CXCR2: variants seen among roughly 807,000 people sequenced by gnomAD.
The protein encoded by CXCR2 is C-X-C motif chemokine receptor 2, also known as C-X-C chemokine receptor type 2.
Under a neutral mutation model 3.7 loss-of-function variants are expected in CXCR2, and 2 were observed. That is an observed-to-expected ratio of 0.55 (90% CI 0.22 to 1.72). The LOEUF is 1.72. Among genes scored for constraint, CXCR2 ranks in the 40% most tolerant of loss-of-function variants. The probability of loss-of-function intolerance (pLI) is 0.19; values close to 1 mark genes in which losing one functional copy is unlikely to be tolerated. For missense variants in CXCR2, 351 were observed against 450.1 expected, an observed-to-expected ratio of 0.78 and a Z score of 1.99; for synonymous variants, 203 against 193.3, an observed-to-expected ratio of 1.05 and a Z score of -0.41.
intron 2 of CXCR2, among the ~76,000 whole-genome samples, chr2:218,129,897 T>A (rs1690601553): frequency 6.6e-6 from 1 of 152,176 alleles, no homozygotes; most frequent in African/African-American, 2.4e-5. Context: ...CAAACTACCA[T>A]GAGTCACTAA....
chr2:218,129,186 G>A (rs1391396091), intron 1 of CXCR2, 128 bp from the exon 2 acceptor site: 2 of 152,260 alleles, frequency 1.3e-5, no homozygotes, highest in Non-Finnish European at 2.9e-5. Flanking sequence ...AGCTGATCTG[G>A]GAACTAATTA....
At chr2:218,127,210 T>C (rs1429644087) in intron 1 of CXCR2, among the ~76,000 whole-genome samples, 1 of 152,204 alleles carries the variant, frequency 6.6e-6, no homozygotes, top group African/African-American at 2.4e-5. Context: ...CACTGCAACT[T>C]CTGCCTCCCG....
intron 2 of CXCR2, among the ~76,000 whole-genome samples, chr2:218,133,448 C>T (rs562965882): frequency 1.5e-3 from 229 of 151,770 alleles, no homozygotes; most frequent in African/African-American, 5.3e-3. Flanking sequence ...TACAGGTGCA[C>T]GTCACCATAC....
chr2:218,129,111 GA>G (rs1009136615), intron 1 of CXCR2, among the ~76,000 whole-genome samples: 7 of 152,278 alleles, frequency 4.6e-5, no homozygotes, highest in African/African-American at 1.7e-4. Context: ...AGACTAGGTA[GA>G]AAACCCCTCA....
chr2:218,130,775 A>T (rs1690623635), intron 2 of CXCR2: 1 of 152,298 alleles, frequency 6.6e-6, no homozygotes, highest in Non-Finnish European at 1.5e-5. Flanking sequence ...TCCTCTGTAG[A>T]GATTGGTAAA....
At chr2:218,132,972 T>A (rs1690685871) in intron 2 of CXCR2, among the ~76,000 whole-genome samples, 1 of 152,262 alleles carries the variant, frequency 6.6e-6, no homozygotes, top group African/African-American at 2.4e-5. Context: ...CCAAAGCAGC[T>A]GCACCATCTT....
chr2:218,133,677 C>T (rs555275507), intron 2 of CXCR2, among the ~76,000 whole-genome samples: 1 of 152,332 alleles, frequency 6.6e-6, no homozygotes, highest in African/African-American at 2.4e-5. Context: ...GTGGCAAGGG[C>T]AGAGCCCCAG....
intron 1 of CXCR2, among the ~76,000 whole-genome samples, chr2:218,127,572 G>C (rs1364415641): frequency 2.6e-5 from 4 of 152,154 alleles, no homozygotes; most frequent in African/African-American, 9.7e-5. Flanking sequence ...CTGACTTTCT[G>C]GGACACAGGG....
At position 218,136,586 on chromosome 2, in the gene CXCR2, T is replaced by A. The variant is rs985141420; in HGVS notation, c.*702T>A. 4 of 167,024 alleles carry A rather than the reference T, an allele frequency of 2.4e-5. No homozygotes were observed. The highest frequency in any genetic ancestry group is 9.7e-5 in the African/African-American group (4 of 41,430). The allele number at this position is 167,024 out of a possible 1,614,324, so 10.3% of individuals were successfully genotyped here. On this transcript the variant is annotated 3_prime_UTR_variant, in exon 3 of 3. Transcript: ENST00000318507. ...GATCCTGCAATTCCACTTATAGGAA[T>A]TGACCCACAAGAAATGAAAGCAGGG...
upstream of CXCR2, chr2:218,125,452 CA>C (rs1559449743): frequency 6.6e-6 from 1 of 152,002 alleles, no homozygotes; most frequent in Non-Finnish European, 1.5e-5. Flanking sequence ...TCAGTTCCTG[CA>C]TTCGTTCCTG....
In CXCR2 at chr2:218,134,902, T is replaced by C. The variant is rs191559601; in HGVS notation, c.101T>C (p.Leu34Pro). The C allele has an allele frequency of 6.2e-7, 1 of 1,614,184 alleles. No homozygotes were observed. The highest frequency in any genetic ancestry group is 2.2e-5 in the East Asian group (1 of 44,888). Residue 34 changes from leucine (L) to proline (P), a missense_variant, in exon 3 of 3, where the codon CTA becomes CCA. Physicochemically the swap from Leu to Pro is moderately conservative, Grantham distance 98. Transcript: ENST00000318507. ...SYSSTLPPFL[L>P]DAAPCEPESL... ...AGCTCTACCCTGCCCCCTTTTCTAC[T>C]AGATGCCGCCCCATGTGAACCAGAA...
At chr2:218,127,551 A>G (rs1690540714) in intron 1 of CXCR2, among the ~76,000 whole-genome samples, 2 of 152,208 alleles carry the variant, frequency 1.3e-5, no homozygotes, top group African/African-American at 2.4e-5. Context: ...CCCTCTCTAC[A>G]TCCTTTGTAT....
Position 218,135,745 on chromosome 2 carries a change from C to G in CXCR2, c.944C>G (p.Ala315Gly), listed in dbSNP as rs1690781220. The change falls in exon 3 of 3, where the codon GCC (alanine) becomes GGC (glycine). Residue 315 changes from alanine to glycine, a missense_variant. Physicochemically the swap from Ala to Gly is moderately conservative, Grantham distance 60. Coordinates refer to ENST00000318507, the MANE Select transcript of CXCR2 (RefSeq NM_001557.4). This position sits in a 1 kb window ranked among gnomAD's most constrained non-coding sequence, Gnocchi z 4.0. ...AGCTGCCTCAACCCCCTCATCTACG[C>G]CTTCATTGGCCAGAAGTTTCGCCAT... ...LHSCLNPLIYAFIGQKFRHGL... is the reference protein window; with the variant it reads ...LHSCLNPLIYGFIGQKFRHGL... The G allele has an allele frequency of 6.2e-7, 1 of 1,613,970 alleles. No homozygotes were observed. The highest frequency in any genetic ancestry group is 1.3e-5 in the African/African-American group (1 of 74,894).
chr2:218,134,872 G>A lies in CXCR2; in HGVS notation c.71G>A (p.Ser24Asn), dbSNP rs764550414. The stretch of plus-strand genomic sequence containing the variant: ...AAAGGTGAAGATCTTAGTAATTACA[G>A]TTACAGCTCTACCCTGCCCCCTTTT... ...FWKGEDLSNY[S>N]YSSTLPPFLL... The change falls in exon 3 of 3, where the codon AGT becomes AAT. Residue 24 changes from serine (S) to asparagine (N), a missense_variant. Coordinates refer to ENST00000318507, the MANE Select transcript of CXCR2 (RefSeq NM_001557.4). 4 of 1,614,176 alleles carry A rather than the reference G, an allele frequency of 2.5e-6. No individual in the cohort carries two copies. The highest frequency in any genetic ancestry group is 2.2e-5 in the East Asian group (1 of 44,886).
chr2:218,133,229 G>T (rs952028704), intron 2 of CXCR2, among the ~76,000 whole-genome samples: 1 of 151,426 alleles, frequency 6.6e-6, no homozygotes, highest in African/African-American at 2.4e-5. Flanking sequence ...CTATTTTGTG[G>T]TTCAGAAAGA....
intron 1 of CXCR2, among the ~76,000 whole-genome samples, chr2:218,126,935 C>A (rs1690525194): frequency 6.6e-6 from 1 of 152,190 alleles, no homozygotes; most frequent in African/African-American, 2.4e-5. Flanking sequence ...CTCGGCCTCC[C>A]AAAGTGCTGG....
intron 2 of CXCR2, 144 bp from the exon 3 acceptor site, chr2:218,134,633 G>C: frequency 1.4e-6 from 1 of 707,202 alleles, no homozygotes; most frequent in Non-Finnish European, 2.3e-6. Context: ...CATAACCTAA[G>C]AGCTACCACT....
At chr2:218,130,416 CAAAAAAAG>C (rs1245978786) in intron 2 of CXCR2, among the ~76,000 whole-genome samples, 4 of 150,944 alleles carry the variant, frequency 2.6e-5, no homozygotes, top group African/African-American at 9.7e-5. Context: ...GAGACTGCAT[CAAAAAAAG>C]AAAAAAAGAA....
chr2:218,131,470 C>CTTT (rs34409642), intron 2 of CXCR2, among the ~76,000 whole-genome samples: 17 of 134,148 alleles, frequency 1.3e-4, no homozygotes, highest in African/African-American at 1.7e-4. Flanking sequence ...ACAATGTTAA[C>CTTT]TTTTTTTTTT....
Sources: gnomAD v4.1 joint callset for allele counts (sites outside exome capture counted in the v4.1 genomes callset) on GRCh38, gnomAD v4.1.1 for gene constraint, Gnocchi (gnomAD v3.1) non-coding constraint, MANE v1.5 for transcripts, NCBI Gene and HGNC (gene_info 2026-07-23, HGNC 2026-07-21) for gene names.